The following GABRA2 variants were observed in gnomAD, a reference collection of about 807,000 sequenced individuals.
The protein encoded by GABRA2 is gamma-aminobutyric acid type A receptor subunit alpha2.
In GABRA2, 16 loss-of-function variants were observed where a neutral mutation model predicts 48.7. The ratio of observed to expected loss-of-function variants is 0.33; its 90% CI spans 0.22 to 0.50. The LOEUF (loss-of-function observed/expected upper bound fraction) is 0.50. Among genes scored for constraint, GABRA2 ranks in the 20% least tolerant of loss-of-function variants. GABRA2 has a pLI of 0.98. For missense variants in GABRA2, 275 were observed against 535.6 expected (o/e 0.51, Z 4.80); for synonymous variants, 185 against 184.5 (o/e 1.00, Z -0.02).
At chr4:46,318,090 T>C (rs1728845737) in intron 4 of GABRA2, among the ~76,000 whole-genome samples, 1 of 151,508 alleles carries the variant, frequency 6.6e-6, no homozygotes, top group Non-Finnish European at 1.5e-5. Flanking sequence ...TAATGTGATA[T>C]AAATTTAGAA....
chr4:46,379,160 C>A (rs1309836294), intron 3 of GABRA2, among the ~76,000 whole-genome samples: 2 of 152,192 alleles, frequency 1.3e-5, no homozygotes, highest in African/African-American at 4.8e-5. Context: ...AGTCATGCCT[C>A]AAAATATTAA....
chr4:46,291,662 A>G lies in GABRA2; in HGVS notation c.856+11798T>C, dbSNP rs149954805. ...GTCTGCCCTCAAATTTCGCACCCCA[A>G]GTTCTTCAGCTTTGGGTCTCAGACT... On this transcript the variant is annotated intron_variant, in intron 8 of 9. Coordinates refer to ENST00000381620, the MANE Select transcript of GABRA2 (RefSeq NM_000807.4). Among the ~76,000 whole-genome samples, 151 of 152,026 alleles carry G rather than the reference A, an allele frequency of 9.9e-4. 5 individuals carry two copies. In the East Asian group the frequency reaches 0.028, roughly 28 times the overall value.
chr4:46,377,266 C>A (rs1242025112), intron 3 of GABRA2, among the ~76,000 whole-genome samples: 1 of 151,498 alleles, frequency 6.6e-6, no homozygotes, highest in Non-Finnish European at 1.5e-5. Flanking sequence ...CTCTGCCCGG[C>A]CGCCATCCCA....
chr4:46,315,025 G>A (rs1489034860), intron 4 of GABRA2, among the ~76,000 whole-genome samples: 1 of 151,980 alleles, frequency 6.6e-6, no homozygotes, highest in African/African-American at 2.4e-5. Flanking sequence ...TTGCTGGGTT[G>A]CATGGTAGGT....
At chr4:46,289,071 T>G in intron 8 of GABRA2, among the ~76,000 whole-genome samples, 1 of 152,022 alleles carries the variant, frequency 6.6e-6, no homozygotes, top group East Asian at 1.9e-4. Flanking sequence ...GCTGGCAGGA[T>G]ATGGAGAAAA....
intron 8 of GABRA2, among the ~76,000 whole-genome samples, chr4:46,289,442 G>T (rs936412596): frequency 1.1e-4 from 16 of 152,272 alleles, no homozygotes; most frequent in Middle Eastern, 3.4e-3. Context: ...GCAAATTAAT[G>T]CAGGAATAGA....
At chr4:46,295,909 T>C (rs1308991255) in intron 8 of GABRA2, among the ~76,000 whole-genome samples, 1 of 152,208 alleles carries the variant, frequency 6.6e-6, no homozygotes, top group Non-Finnish European at 1.5e-5. Context: ...TCCACCATTA[T>C]GGTATTCCAC....
intron 8 of GABRA2, 104 bp from the exon 9 acceptor site, chr4:46,262,232 C>A (rs1717121039): frequency 2.9e-6 from 2 of 681,480 alleles, no homozygotes; most frequent in South Asian, 2.0e-5. Flanking sequence ...TTTTACTACT[C>A]TTATCCACTA....
At chr4:46,326,123 T>G (rs946259818) in intron 4 of GABRA2, among the ~76,000 whole-genome samples, 14 of 151,980 alleles carry the variant, frequency 9.2e-5, no homozygotes, top group Non-Finnish European at 2.1e-4. Flanking sequence ...AAAGTGATAT[T>G]GATAGTGTGA....
At chr4:46,337,794 G>A (rs943728809) in intron 3 of GABRA2, among the ~76,000 whole-genome samples, 1 of 151,934 alleles carries the variant, frequency 6.6e-6, no homozygotes, top group Non-Finnish European at 1.5e-5. Context: ...AGTAGGTTCA[G>A]TAAAACTATA....
In GABRA2 at chr4:46,312,735, T is replaced by G. The variant is rs769832039; in HGVS notation, c.256-19A>C. On this transcript the variant is annotated intron_variant, in intron 4 of 9. Transcript: ENST00000381620. ...TATATTCCTGAAATAAAAAATAGAA[T>G]TTTTTTGAAAATAGTAAATGTTGTA... The G allele has an allele frequency of 3.8e-6, 5 of 1,327,766 alleles. No homozygotes were observed. The highest frequency in any genetic ancestry group is 5.2e-6 in the Non-Finnish European group (5 of 970,274). The allele number at this position is 1,327,766 out of a possible 1,614,324, so 82.2% of individuals were successfully genotyped here. A position where few individuals can be genotyped will look rare whatever the true frequency, so the allele number is the denominator to read the frequency against.
At chr4:46,304,005 C>T (rs531915018) in intron 7 of GABRA2, among the ~76,000 whole-genome samples, 31 of 152,090 alleles carry the variant, frequency 2.0e-4, no homozygotes, top group African/African-American at 7.5e-4. Flanking sequence ...CATGTCAGCA[C>T]TCAAAAAGGT....
At chr4:46,261,327 A>G (rs548583) in intron 9 of GABRA2, 91,697 of 152,916 alleles carry the variant, frequency 0.6, 27,860 homozygotes, top group South Asian at 0.76. Context: ...TTTATTCCAT[A>G]CAACATGGGA....
At chr4:46,363,746 A>T (rs567680296) in intron 3 of GABRA2, 5 of 152,296 alleles carry the variant, frequency 3.3e-5, no homozygotes, top group African/African-American at 9.6e-5. Flanking sequence ...CAATATGAGC[A>T]AGGATGATAA....
At chr4:46,291,211 C>A (rs1712379717) in intron 8 of GABRA2, among the ~76,000 whole-genome samples, 1 of 152,088 alleles carries the variant, frequency 6.6e-6, no homozygotes, top group Non-Finnish European at 1.5e-5. Context: ...CCCTCTGGTT[C>A]TAGACTTGTT....
At chr4:46,264,469 T>C (rs1484691336) in intron 8 of GABRA2, among the ~76,000 whole-genome samples, 4 of 152,020 alleles carry the variant, frequency 2.6e-5, no homozygotes, top group African/African-American at 9.7e-5. Context: ...TTTCCATAAA[T>C]ATGTTGTATT....
intron 3 of GABRA2, among the ~76,000 whole-genome samples, chr4:46,359,955 A>G (rs576437543): frequency 6.6e-6 from 1 of 152,112 alleles, no homozygotes; most frequent in South Asian, 2.1e-4. Flanking sequence ...AAGCAGTGAT[A>G]AGTCCACTCA....
rs1191771877 is a variant in GABRA2, at chr4:46,246,529, G to A, written c.*3779C>T. On this transcript the variant is annotated 3_prime_UTR_variant, in exon 10 of 10. Transcript: ENST00000381620. ...CTTTAAATTAATAAAAGGGAAGCACGAGGTGCCTATGGGACCTCAATTAAA... is the reference window on the plus strand; with the variant it reads ...CTTTAAATTAATAAAAGGGAAGCACAAGGTGCCTATGGGACCTCAATTAAA... 6.6e-6 allele frequency among the ~76,000 whole-genome samples: 1 copy of A among 151,010 alleles called. No homozygotes were observed. The highest frequency in any genetic ancestry group is 2.0e-4 in the East Asian group (1 of 5,104).
chr4:46,369,780 A>G (rs1166595712), intron 3 of GABRA2, among the ~76,000 whole-genome samples: 2 of 152,138 alleles, frequency 1.3e-5, no homozygotes, highest in Non-Finnish European at 2.9e-5. Context: ...ATAGAATTAC[A>G]AAACTGCATG....
Sources: allele counts gnomAD v4.1 joint callset (sites outside exome capture counted in the v4.1 genomes callset), GRCh38; gene constraint gnomAD v4.1.1; transcripts MANE v1.5; gene names NCBI Gene and HGNC (gene_info 2026-07-23, HGNC 2026-07-21).